SP140: variants seen among roughly 807,000 people sequenced by gnomAD.
The protein encoded by SP140 is nuclear body protein SP140.
Under a neutral mutation model 125.0 loss-of-function variants are expected in SP140, and 81 were observed. That is an observed-to-expected ratio of 0.65 (90% CI 0.54 to 0.78). The LOEUF (loss-of-function observed/expected upper bound fraction) is 0.78. Ranked by LOEUF, SP140 falls within the 30% of genes least tolerant of loss-of-function variation. The pLI is 0.00. For missense variants in SP140, 858 were observed against 1,037.0 expected (o/e 0.83, Z 2.37); for synonymous variants, 312 against 354.0 (o/e 0.88, Z 1.33).
intron 12 of SP140, among the ~76,000 whole-genome samples, chr2:230,260,222 T>G (rs1260244404): frequency 1.3e-5 from 2 of 152,366 alleles, no homozygotes; most frequent in East Asian, 3.9e-4. Context: ...ATATGTTCAT[T>G]GGCCATTTGT....
At chr2:230,290,910 C>A (rs1195729966) in intron 19 of SP140, among the ~76,000 whole-genome samples, 14 of 152,214 alleles carry the variant, frequency 9.2e-5, no homozygotes, top group Non-Finnish European at 2.9e-5. Flanking sequence ...GGAGTGCCAT[C>A]ACCAGGGCAG....
At chr2:230,215,246 T>C in intron 3 of SP140, 3 of 762,664 alleles carry the variant, frequency 3.9e-6, no homozygotes, top group Admixed American at 4.9e-5. Context: ...ATAAAATATA[T>C]AGTCACATTC....
chr2:230,212,466 G>C lies in SP140; in HGVS notation c.-322-1188G>C, dbSNP rs190186126. The C allele has an allele frequency of 3.1e-3, 4,538 of 1,473,732 alleles. 67 individuals are homozygous for C. Among genetic ancestry groups the C allele is most frequent in the South Asian group, 0.027 (2,400 of 88,120 alleles). The allele number at this position is 1,473,732 out of a possible 1,614,324, so 91.3% of individuals were successfully genotyped here. A position where few individuals can be genotyped will look rare whatever the true frequency, so the allele number is the denominator to read the frequency against. ...AAAGGAAATTATTACAGATTGCAGG[G>C]ACTGGATGTCAGGGAGAAGAGTGAA... is the stretch of plus-strand genomic sequence containing the variant. On this transcript the variant is annotated intron_variant, in intron 1 of 4. Coordinates refer to the SP140 transcript ENST00000456542.
In SP140 at chr2:230,286,295, A is replaced by G. The variant is rs76489731; in HGVS notation, c.1645+463A>G. The stretch of plus-strand genomic sequence containing the variant: ...CTTTCTGACCTAGTATTAAACTACA[A>G]TGTCTTCCCCAGTTTAAAGCACCTT... On this transcript the variant is annotated intron_variant, in intron 17 of 26. Transcript: ENST00000392045. 2.3e-3 allele frequency among the ~76,000 whole-genome samples: 345 copies of G among 152,314 alleles called. 12 individuals are homozygous for G. In the East Asian group the frequency reaches 0.055, roughly 24 times the overall value.
At position 230,236,155 on chromosome 2, in the gene SP140, G is replaced by A. The variant is rs181053758; in HGVS notation, c.60-928G>A. Among the ~76,000 whole-genome samples the A allele has an allele frequency of 5.4e-3, 828 of 152,202 alleles. 4 individuals are homozygous for A. Among genetic ancestry groups the A allele is most frequent in the Non-Finnish European group, 7.2e-3 (491 of 68,002 alleles). On this transcript the variant is annotated intron_variant, in intron 1 of 26. Transcript: ENST00000392045. The stretch of plus-strand genomic sequence containing the variant: ...CTCCCAAAGTGCTGGGATTACAGGC[G>A]TGAGCCACCGCGCCCGGCCTTCTTG...
rs1356995075 is a variant in SP140, at chr2:230,310,058, T to A, written c.2174+19T>A. The A allele has an allele frequency of 6.2e-7, 1 of 1,611,406 alleles. No homozygotes were observed. The highest frequency in any genetic ancestry group is 1.7e-5 in the Admixed American group (1 of 60,018). Reference sequence around the variant, plus strand: ...CTGAGAGGTAAGTGACATGCAGGCGTCTCTCTTTTTGTCCTTTAAGGGATC... The same window carrying A: ...CTGAGAGGTAAGTGACATGCAGGCGACTCTCTTTTTGTCCTTTAAGGGATC... On this transcript the variant is annotated intron_variant, in intron 23 of 26. Transcript: ENST00000392045.
intron 12 of SP140, among the ~76,000 whole-genome samples, chr2:230,263,839 G>A (rs1388712525): frequency 2.0e-5 from 3 of 152,292 alleles, no homozygotes; most frequent in East Asian, 1.9e-4. Context: ...CAAGAAATCT[G>A]CTGTTAATCT....
At chr2:230,261,894 G>A (rs975905888) in intron 12 of SP140, among the ~76,000 whole-genome samples, 2 of 152,124 alleles carry the variant, frequency 1.3e-5, no homozygotes, top group African/African-American at 4.8e-5. Context: ...TGTTCATCAA[G>A]GATACCAGTC....
upstream of SP140, among the ~76,000 whole-genome samples, chr2:230,222,950 T>A (rs934296778): frequency 6.6e-6 from 1 of 151,534 alleles, no homozygotes. Flanking sequence ...TTGTTGTGGG[T>A]CAGTAATTTA....
intron 15 of SP140, among the ~76,000 whole-genome samples, chr2:230,281,711 C>T (rs1407527213): frequency 6.6e-6 from 1 of 152,178 alleles, no homozygotes; most frequent in Non-Finnish European, 1.5e-5. Context: ...TTTTGAGATT[C>T]ATCCATATTG....
intron 26 of SP140, among the ~76,000 whole-genome samples, 173 bp from the exon 27 acceptor site, chr2:230,312,413 A>G (rs572574615): frequency 2.6e-5 from 4 of 152,256 alleles, no homozygotes; most frequent in African/African-American, 9.6e-5. Flanking sequence ...ATTATTCCAC[A>G]TAGCAGTCAT....
chr2:230,269,320 A>C (rs959056781), intron 12 of SP140, among the ~76,000 whole-genome samples: 1 of 152,176 alleles, frequency 6.6e-6, no homozygotes, highest in African/African-American at 2.4e-5. Flanking sequence ...AAGTACAAAA[A>C]TAAAAGTAGA....
At chr2:230,256,431 C>A (rs797001406) in intron 12 of SP140, among the ~76,000 whole-genome samples, 24 of 151,108 alleles carry the variant, frequency 1.6e-4, no homozygotes, top group African/African-American at 5.1e-4. Context: ...GGACAAAAAA[C>A]CAAACACTGC....
At chr2:230,205,094 G>A (rs1356258503) in intron 1 of SP140, among the ~76,000 whole-genome samples, 1 of 152,130 alleles carries the variant, frequency 6.6e-6, no homozygotes, top group Non-Finnish European at 1.5e-5. Flanking sequence ...TTTAAGCATG[G>A]AAATAAACTA....
upstream of SP140, chr2:230,200,564 A>G (rs1360215078): frequency 2.1e-5 from 8 of 385,108 alleles, no homozygotes; most frequent in South Asian, 2.0e-4. Context: ...GTATAGTACC[A>G]TGAATATACT....
At chr2:230,257,198 A>G (rs2051362619) in intron 12 of SP140, among the ~76,000 whole-genome samples, 1 of 152,088 alleles carries the variant, frequency 6.6e-6, no homozygotes, top group Non-Finnish European at 1.5e-5. Context: ...AGAGACTTTT[A>G]TCTAACAAAT....
chr2:230,200,155 T>C (rs1475797702), upstream of SP140, among the ~76,000 whole-genome samples: 1 of 152,226 alleles, frequency 6.6e-6, no homozygotes, highest in Non-Finnish European at 1.5e-5. Context: ...TAAAATTTAA[T>C]CCATTTTTCC....
At chr2:230,285,023 T>C (rs1417797633) in intron 16 of SP140, among the ~76,000 whole-genome samples, 1 of 152,174 alleles carries the variant, frequency 6.6e-6, no homozygotes, top group Non-Finnish European at 1.5e-5. Flanking sequence ...ACATTTTTAA[T>C]GAAAAAGTGT....
chr2:230,265,513 G>C (rs2052960110), intron 12 of SP140, among the ~76,000 whole-genome samples: 1 of 152,178 alleles, frequency 6.6e-6, no homozygotes, highest in African/African-American at 2.4e-5. Flanking sequence ...CTAGAGATTG[G>C]CTTCTCCCTG....
Sources: allele counts gnomAD v4.1 joint callset (sites outside exome capture counted in the v4.1 genomes callset), GRCh38; gene constraint gnomAD v4.1.1; transcripts MANE v1.5; gene names NCBI Gene and HGNC (gene_info 2026-07-23, HGNC 2026-07-21).